The following ANGPT1 variants were observed in gnomAD, a reference collection of about 807,000 sequenced individuals.
ANGPT1 encodes the protein angiopoietin 1.
ANGPT1 carries 17 observed loss-of-function variants against 62.2 expected under a neutral mutation model. The observed-to-expected ratio is 0.27, with a 90% CI of 0.19 to 0.41. The LOEUF (loss-of-function observed/expected upper bound fraction) is 0.41. Among genes scored for constraint, ANGPT1 ranks in the 10% least tolerant of loss-of-function variants. ANGPT1 has a pLI of 1.00. For synonymous variants in ANGPT1, 199 were observed against 198.9 expected, an observed-to-expected ratio of 1.00 and a Z score of 0.00; for missense variants, 478 against 594.9, an observed-to-expected ratio of 0.80 and a Z score of 2.04.
chr8:107,410,389 C>T (rs973034710), intron 1 of ANGPT1, among the ~76,000 whole-genome samples: 3 of 152,128 alleles, frequency 2.0e-5, no homozygotes, highest in Non-Finnish European at 4.4e-5. Flanking sequence ...AATGCCCTTC[C>T]TCCCAAGTGC....
intron 1 of ANGPT1, among the ~76,000 whole-genome samples, chr8:107,391,351 A>G (rs1202435130): frequency 6.6e-6 from 1 of 152,174 alleles, no homozygotes; most frequent in African/African-American, 2.4e-5. Flanking sequence ...TTAATTTCAA[A>G]ACATATATGT....
chr8:107,376,860 G>A (rs541727309), intron 1 of ANGPT1, among the ~76,000 whole-genome samples: 1 of 152,210 alleles, frequency 6.6e-6, no homozygotes, highest in South Asian at 2.1e-4. Context: ...AGTGTGTCTG[G>A]GAAACAGAGT....
intron 1 of ANGPT1, among the ~76,000 whole-genome samples, chr8:107,464,297 T>C (rs1812145684): frequency 6.6e-6 from 1 of 152,154 alleles, no homozygotes; most frequent in Non-Finnish European, 1.5e-5. Context: ...CCTATGAATA[T>C]GACTTGCCTC....
At chr8:107,371,668 C>T (rs1163052491) in intron 1 of ANGPT1, among the ~76,000 whole-genome samples, 3 of 149,518 alleles carry the variant, frequency 2.0e-5, no homozygotes, top group Non-Finnish European at 4.4e-5. Context: ...CCTCCACCTC[C>T]CAGGTTCAAG....
chr8:107,338,300 C>T (rs1815618039), intron 2 of ANGPT1, among the ~76,000 whole-genome samples: 2 of 152,142 alleles, frequency 1.3e-5, no homozygotes, highest in Non-Finnish European at 2.9e-5. Flanking sequence ...TTTAATGTAA[C>T]ATTTTTAAAA....
chr8:107,490,656 A>G (rs974904337), intron 1 of ANGPT1, among the ~76,000 whole-genome samples: 7 of 152,180 alleles, frequency 4.6e-5, no homozygotes, highest in African/African-American at 1.7e-4. Flanking sequence ...CTTGCAATAT[A>G]GGGCAGGGGT....
intron 1 of ANGPT1, among the ~76,000 whole-genome samples, chr8:107,480,005 T>G (rs907287202): frequency 1.3e-5 from 2 of 152,154 alleles, no homozygotes; most frequent in African/African-American, 4.8e-5. Flanking sequence ...AAAATTTGCC[T>G]AAAAACAAAC....
At chr8:107,457,742 T>G (rs1391968130) in intron 1 of ANGPT1, among the ~76,000 whole-genome samples, 2 of 151,698 alleles carry the variant, frequency 1.3e-5, no homozygotes, top group African/African-American at 4.8e-5. Context: ...TAGTTTCACT[T>G]TTTGAAGTTT....
intron 1 of ANGPT1, among the ~76,000 whole-genome samples, chr8:107,474,648 G>A (rs920440449): frequency 1.3e-5 from 2 of 152,080 alleles, no homozygotes; most frequent in African/African-American, 2.4e-5. Context: ...CAAATTGTCC[G>A]TGTTTGCAGA....
intron 5 of ANGPT1, among the ~76,000 whole-genome samples, chr8:107,297,565 A>G (rs1239848581): frequency 1.4e-5 from 2 of 144,720 alleles, no homozygotes; most frequent in African/African-American, 2.4e-5. Context: ...TAAATTTAAT[A>G]TACTATAGTT....
chr8:107,444,982 A>T (rs1811577134), intron 1 of ANGPT1, among the ~76,000 whole-genome samples: 1 of 152,204 alleles, frequency 6.6e-6, no homozygotes, highest in African/African-American at 2.4e-5. Context: ...TCTTCCCTGC[A>T]GGGGTATTTC....
intron 7 of ANGPT1, among the ~76,000 whole-genome samples, chr8:107,274,835 C>G (rs546751506): frequency 6.6e-6 from 1 of 151,888 alleles, no homozygotes; most frequent in African/African-American, 2.4e-5. Flanking sequence ...TTAAGAAATG[C>G]TTTTTTTTCG....
intron 8 of ANGPT1, 107 bp from the exon 9 acceptor site, chr8:107,252,122 T>C: frequency 8.3e-7 from 1 of 1,209,162 alleles, no homozygotes; most frequent in Non-Finnish European, 1.2e-6. Context: ...TGCTTGTTCT[T>C]GTTATGCTTA....
At chr8:107,383,204 T>C (rs1358729137) in intron 1 of ANGPT1, among the ~76,000 whole-genome samples, 1 of 152,170 alleles carries the variant, frequency 6.6e-6, no homozygotes, top group Non-Finnish European at 1.5e-5. Context: ...GCTTGTATTT[T>C]TAGTGACCAC....
intron 1 of ANGPT1, among the ~76,000 whole-genome samples, chr8:107,453,568 T>C (rs1299393225): frequency 6.6e-6 from 1 of 152,030 alleles, no homozygotes; most frequent in Non-Finnish European, 1.5e-5. Context: ...GCCCCCATGA[T>C]TCAATTACTT....
At chr8:107,362,811 CAG>C (rs1816193518) in intron 1 of ANGPT1, among the ~76,000 whole-genome samples, 1 of 152,060 alleles carries the variant, frequency 6.6e-6, no homozygotes, top group Admixed American at 6.6e-5. Flanking sequence ...AAGGAAGAGT[CAG>C]AGATTATAAG....
At chr8:107,472,714 A>G (rs1812395972) in intron 1 of ANGPT1, among the ~76,000 whole-genome samples, 1 of 151,966 alleles carries the variant, frequency 6.6e-6, no homozygotes, top group African/African-American at 2.4e-5. Context: ...CAGGTAAAGC[A>G]GCCTGCTCAA....
intron 7 of ANGPT1, among the ~76,000 whole-genome samples, chr8:107,273,718 C>T (rs1385837440): frequency 6.6e-6 from 1 of 151,990 alleles, no homozygotes; most frequent in Non-Finnish European, 1.5e-5. Flanking sequence ...TGAAGCCTTT[C>T]CCAGTCCCAT....
intron 1 of ANGPT1, among the ~76,000 whole-genome samples, chr8:107,356,029 A>G (rs910949635): frequency 3.3e-5 from 5 of 152,236 alleles, no homozygotes; most frequent in African/African-American, 1.2e-4. Context: ...GAAAATACTG[A>G]GTCTCCCATT....
Sources: gnomAD v4.1 joint callset for allele counts (sites outside exome capture counted in the v4.1 genomes callset) on GRCh38, gnomAD v4.1.1 for gene constraint, MANE v1.5 for transcripts, NCBI Gene and HGNC (gene_info 2026-07-23, HGNC 2026-07-21) for gene names.